The following CAST variants were observed in gnomAD, a reference collection of about 807,000 sequenced individuals.
CAST encodes MIR583 host.
In CAST, 76 loss-of-function variants were observed where a neutral mutation model predicts 119.6. The ratio of observed to expected loss-of-function variants is 0.64; its 90% confidence interval spans 0.53 to 0.77. CAST has a LOEUF of 0.77. CAST is among the 30% of genes least tolerant of loss of function. The probability of loss-of-function intolerance (pLI) is 0.00; values close to 1 mark genes in which losing one functional copy is unlikely to be tolerated. For missense variants in CAST, 953 were observed against 946.5 expected (o/e 1.01, Z -0.09); for synonymous variants, 319 against 331.6 (o/e 0.96, Z 0.41).
intron 6 of CAST, 190 bp from the exon 7 acceptor site, chr5:96,728,963 G>A (rs1759891674): frequency 1.9e-6 from 1 of 534,250 alleles, no homozygotes; most frequent in Non-Finnish European, 3.4e-6. Flanking sequence ...AGAGACTGCT[G>A]ACAGGGTTAC....
chr5:96,585,102 A>G (rs1746836827), intron 1 of CAST: 1 of 152,214 alleles, frequency 6.6e-6, no homozygotes, highest in African/African-American at 2.4e-5. Context: ...TGGCTAATTG[A>G]TATTAATATG....
the CAST span, among the ~76,000 whole-genome samples, chr5:96,113,171 C>T: frequency 2.6e-5 from 4 of 152,156 alleles, no homozygotes; most frequent in Non-Finnish European, 5.9e-5. Context: ...TTGGTGGTTT[C>T]TTTTAGTCTT....
At chr5:96,366,684 C>A in the CAST span, among the ~76,000 whole-genome samples, 3 of 152,182 alleles carry the variant, frequency 2.0e-5, no homozygotes, top group Non-Finnish European at 4.4e-5. Context: ...TCCATCAGGT[C>A]ATTTAAGTAC....
the CAST span, among the ~76,000 whole-genome samples, chr5:96,183,367 T>C: frequency 1.3e-5 from 2 of 151,808 alleles, no homozygotes; most frequent in Non-Finnish European, 2.9e-5. Flanking sequence ...AAAAATGTTA[T>C]TTAAAAGTTT....
At chr5:96,444,128 C>T in the CAST span, among the ~76,000 whole-genome samples, 2 of 152,192 alleles carry the variant, frequency 1.3e-5, no homozygotes, top group Non-Finnish European at 2.9e-5. Context: ...TCCACCCCAC[C>T]TTGCCCCTTA....
chr5:96,247,644 C>T, the CAST span: 1 of 152,246 alleles, frequency 6.6e-6, no homozygotes, highest in Non-Finnish European at 1.5e-5. Context: ...TGAGTTACAG[C>T]AGGAAGAGAC....
the CAST span, among the ~76,000 whole-genome samples, chr5:96,029,540 T>C: frequency 3.9e-5 from 6 of 152,102 alleles, no homozygotes; most frequent in Non-Finnish European, 4.4e-5. Context: ...GTAAAAAATA[T>C]TTCGAAATGA....
chr5:96,498,175 T>C, the CAST span, among the ~76,000 whole-genome samples: 428 of 152,374 alleles, frequency 2.8e-3, 6 homozygotes, highest in Non-Finnish European at 9.8e-4. Flanking sequence ...TGGTTGTAGA[T>C]ATGCGGCATT....
At chr5:96,413,382 G>A in the CAST span, among the ~76,000 whole-genome samples, 2 of 152,134 alleles carry the variant, frequency 1.3e-5, no homozygotes. Flanking sequence ...CTGGCTTCAG[G>A]CTCATAATAC....
At chr5:96,414,094 G>C in the CAST span, among the ~76,000 whole-genome samples, 1 of 144,522 alleles carries the variant, frequency 6.9e-6, no homozygotes, top group African/African-American at 2.6e-5. Context: ...AGCCGAGATC[G>C]CGCCACTGCA....
the CAST span, among the ~76,000 whole-genome samples, chr5:96,184,399 T>A: frequency 0.032 from 4,825 of 152,310 alleles, 260 homozygotes; most frequent in African/African-American, 0.11. Context: ...CAGGATGTGC[T>A]ATTTTGTTAT....
the CAST span, among the ~76,000 whole-genome samples, chr5:96,091,651 G>A: frequency 4.5e-4 from 69 of 151,854 alleles, no homozygotes; most frequent in Non-Finnish European, 6.3e-4. Flanking sequence ...AACTACAGGT[G>A]TGCACCATCA....
At chr5:96,659,140 T>C (rs1036244969), upstream of CAST, among the ~76,000 whole-genome samples, 1 of 152,312 alleles carries the variant, frequency 6.6e-6, no homozygotes, top group Admixed American at 6.5e-5. Context: ...ATAATTACAA[T>C]AGCAACATCA....
At chr5:96,566,881 C>T (rs1481672673) in intron 1 of CAST, among the ~76,000 whole-genome samples, 1 of 152,198 alleles carries the variant, frequency 6.6e-6, no homozygotes, top group Non-Finnish European at 1.5e-5. Context: ...GTTTGTAAAA[C>T]ACTGAGAGTG....
chr5:96,438,316 G>A, the CAST span, among the ~76,000 whole-genome samples: 4 of 152,092 alleles, frequency 2.6e-5, no homozygotes, highest in Admixed American at 1.3e-4. Flanking sequence ...TTTACATCTG[G>A]TGTAACCATA....
At chr5:96,371,527 G>A in the CAST span, among the ~76,000 whole-genome samples, 7 of 152,154 alleles carry the variant, frequency 4.6e-5, no homozygotes, top group African/African-American at 7.2e-5. Context: ...TGGAGATGAA[G>A]TATTTTGAAC....
the CAST span, among the ~76,000 whole-genome samples, chr5:96,115,390 T>C: frequency 6.6e-6 from 1 of 152,202 alleles, no homozygotes; most frequent in African/African-American, 2.4e-5. Context: ...AAGGTGATTG[T>C]TTATGGGCTA....
chr5:96,173,902 C>T, the CAST span, among the ~76,000 whole-genome samples: 1 of 151,954 alleles, frequency 6.6e-6, no homozygotes, highest in African/African-American at 2.4e-5. Context: ...CCACCACGCC[C>T]GGCTAATTTT....
the CAST span, among the ~76,000 whole-genome samples, chr5:96,199,114 T>G: frequency 6.6e-6 from 1 of 152,194 alleles, no homozygotes; most frequent in Non-Finnish European, 1.5e-5. Flanking sequence ...TATAGGCTGG[T>G]CAACTTGATT....
Sources: allele counts gnomAD v4.1 joint callset (sites outside exome capture counted in the v4.1 genomes callset), GRCh38; gene constraint gnomAD v4.1.1; transcripts MANE v1.5; gene names NCBI Gene and HGNC (gene_info 2026-07-23, HGNC 2026-07-21).